NR6A1: variants seen among roughly 807,000 people sequenced by gnomAD.
The protein encoded by NR6A1 is nuclear receptor subfamily 6 group A member 1, also known as retinoic acid receptor-related testis-associated receptor.
In NR6A1, 7 loss-of-function variants were observed where a neutral mutation model predicts 59.1. That is an observed-to-expected ratio of 0.12 (90% CI 0.07 to 0.22). The LOEUF is 0.22. NR6A1 is among the 10% of genes least tolerant of loss of function. NR6A1 has a pLI of 1.00. For missense variants in NR6A1, 468 were observed against 611.6 expected (o/e 0.77, Z 2.48); for synonymous variants, 243 against 236.1 (o/e 1.03, Z -0.27).
At chr9:124,581,583 T>A (rs1399466181) in intron 2 of NR6A1, among the ~76,000 whole-genome samples, 1 of 152,032 alleles carries the variant, frequency 6.6e-6, no homozygotes. Flanking sequence ...AGAGCAAGAC[T>A]CCGTCTCAAA....
At chr9:124,666,272 G>GTTTTTTTTTTTTTTTTTTTT (rs1588760705) in intron 2 of NR6A1, among the ~76,000 whole-genome samples, 1 of 127,826 alleles carries the variant, frequency 7.8e-6, no homozygotes, top group African/African-American at 3.9e-5. Context: ...CCTCTATGTG[G>GTTTTTTTTTTTTTTTTTTTT]TTCTTTTTTT....
intron 2 of NR6A1, among the ~76,000 whole-genome samples, chr9:124,661,168 T>C (rs1837421543): frequency 6.6e-6 from 1 of 152,154 alleles, no homozygotes; most frequent in Non-Finnish European, 1.5e-5. Context: ...AAGAATTTAT[T>C]CTGGAATACT....
intron 2 of NR6A1, among the ~76,000 whole-genome samples, chr9:124,683,090 A>G (rs1168038985): frequency 6.6e-6 from 1 of 152,078 alleles, no homozygotes; most frequent in African/African-American, 2.4e-5. Context: ...CGATCCCAGT[A>G]ACTTGGGAAG....
chr9:124,630,277 A>T (rs2130879168), intron 2 of NR6A1, among the ~76,000 whole-genome samples: 1 of 135,968 alleles, frequency 7.4e-6, no homozygotes, highest in South Asian at 2.3e-4. Context: ...GTGCAATGGC[A>T]TGATCTTGGC....
At chr9:124,570,277 C>A (rs1398493113) in intron 2 of NR6A1, among the ~76,000 whole-genome samples, 2 of 152,212 alleles carry the variant, frequency 1.3e-5, no homozygotes, top group Admixed American at 1.3e-4. Context: ...CGTTTCAATT[C>A]TAAAACCCTC....
intron 2 of NR6A1, among the ~76,000 whole-genome samples, chr9:124,643,616 A>G (rs1237254586): frequency 1.3e-5 from 2 of 151,006 alleles, no homozygotes; most frequent in African/African-American, 4.9e-5. Flanking sequence ...AAAAAAAAAA[A>G]GCCAGGTGTG....
intron 2 of NR6A1, among the ~76,000 whole-genome samples, chr9:124,682,359 A>G (rs1283594306): frequency 1.3e-5 from 2 of 152,208 alleles, no homozygotes; most frequent in Non-Finnish European, 2.9e-5. Flanking sequence ...AAAGAAGAAT[A>G]TGCAAAATTG....
intron 2 of NR6A1, among the ~76,000 whole-genome samples, chr9:124,579,031 C>G (rs765068070): frequency 6.6e-6 from 1 of 152,206 alleles, no homozygotes; most frequent in African/African-American, 2.4e-5. Context: ...CCTGTAATCC[C>G]GGCACTTTGG....
chr9:124,751,036 C>G (rs542178712), intron 1 of NR6A1, among the ~76,000 whole-genome samples: 28 of 140,700 alleles, frequency 2.0e-4, no homozygotes, highest in South Asian at 7.5e-4. Context: ...TCCCATCTCT[C>G]CCACTTAGGG....
At chr9:124,705,517 A>C (rs1839099020) in intron 2 of NR6A1, among the ~76,000 whole-genome samples, 1 of 152,060 alleles carries the variant, frequency 6.6e-6, no homozygotes, top group Non-Finnish European at 1.5e-5. Context: ...TATTTGCATG[A>C]TCTCACTTTT....
chr9:124,771,122 G>A lies in NR6A1; in HGVS notation c.-3C>T. 1 of 1,226,862 alleles carries A rather than the reference G, an allele frequency of 8.2e-7. No individual in the cohort carries two copies. 76.0% of individuals were successfully genotyped at this position (1,226,862 alleles called of 1,614,324 possible). ...GGCGGCGGTTCGTCCCGCTCCATGC[G>A]GTGGTGCCTAGGGTCCGCGCCGGGT... is the stretch of plus-strand genomic sequence containing the variant. On this transcript the variant is annotated 5_prime_UTR_variant, in exon 1 of 10. Transcript: ENST00000487099.
Position 124,693,470 on chromosome 9 carries a change from C to T in NR6A1, c.142+39838G>A, listed in dbSNP as rs530372904. Among the ~76,000 whole-genome samples the T allele has an allele frequency of 6.6e-5, 10 of 152,312 alleles. No individual in the cohort carries two copies. The East Asian group carries it at 9.6e-4, about 15-fold the overall frequency. On this transcript the variant is annotated intron_variant, in intron 2 of 9. Coordinates refer to ENST00000487099, the MANE Select transcript of NR6A1 (RefSeq NM_033334.4). Reference sequence around the variant, plus strand: ...TAATATGCAAGCACTGCCTGTGTGGCGCAGTGCTACCTGTGAGGTTCTCCA... The same window carrying T: ...TAATATGCAAGCACTGCCTGTGTGGTGCAGTGCTACCTGTGAGGTTCTCCA...
intron 3 of NR6A1, among the ~76,000 whole-genome samples, 158 bp from the exon 4 acceptor site, chr9:124,544,015 T>C (rs1420672139): frequency 1.3e-5 from 2 of 152,264 alleles, no homozygotes; most frequent in East Asian, 3.8e-4. Flanking sequence ...CAATTCTTTC[T>C]ATTATTCCAG....
At chr9:124,695,286 T>G (rs975062980) in intron 2 of NR6A1, among the ~76,000 whole-genome samples, 1 of 152,214 alleles carries the variant, frequency 6.6e-6, no homozygotes, top group Admixed American at 6.5e-5. Context: ...TGATGTTTTA[T>G]GGAAATGAAT....
chr9:124,574,853 T>A (rs1365674800), intron 2 of NR6A1, among the ~76,000 whole-genome samples: 1 of 152,252 alleles, frequency 6.6e-6, no homozygotes, highest in Non-Finnish European at 1.5e-5. Flanking sequence ...CAATAGAATT[T>A]ATTACCTTTC....
chr9:124,585,865 C>G (rs549441268), intron 2 of NR6A1, among the ~76,000 whole-genome samples: 2 of 152,116 alleles, frequency 1.3e-5, no homozygotes, highest in South Asian at 4.2e-4. Context: ...ATCTACTCTA[C>G]CTGTGTTCTA....
At chr9:124,556,953 G>A (rs1833947500) in intron 2 of NR6A1, among the ~76,000 whole-genome samples, 1 of 151,320 alleles carries the variant, frequency 6.6e-6, no homozygotes, top group Non-Finnish European at 1.5e-5. Context: ...TCACAGACAA[G>A]TACATACATG....
At chr9:124,580,901 C>T (rs1024404609) in intron 2 of NR6A1, among the ~76,000 whole-genome samples, 2 of 152,180 alleles carry the variant, frequency 1.3e-5, no homozygotes, top group South Asian at 2.1e-4. Flanking sequence ...TACAGGGATA[C>T]AGTAACCAAA....
intron 1 of NR6A1, among the ~76,000 whole-genome samples, chr9:124,746,713 C>CAAAAG (rs1840346039): frequency 6.6e-6 from 1 of 152,136 alleles, no homozygotes; most frequent in Non-Finnish European, 1.5e-5. Flanking sequence ...ACAAAAGATA[C>CAAAAG]TCTACAAAAT....
Sources: gnomAD v4.1 joint callset for allele counts (sites outside exome capture counted in the v4.1 genomes callset) on GRCh38, gnomAD v4.1.1 for gene constraint, MANE v1.5 for transcripts, NCBI Gene and HGNC (gene_info 2026-07-23, HGNC 2026-07-21) for gene names.